Variants in ITPR2 observed in about 807,000 individuals in gnomAD.
The protein encoded by ITPR2 is inositol 1,4,5-trisphosphate-gated calcium channel ITPR2.
In ITPR2, 207 loss-of-function variants were observed where a neutral mutation model predicts 317.1. The observed-to-expected ratio is 0.65, with a 90% confidence interval of 0.58 to 0.73. ITPR2 has a LOEUF of 0.73. Among genes scored for constraint, ITPR2 ranks in the 30% least tolerant of loss-of-function variants. The pLI is 0.00. For missense variants in ITPR2, 2,613 were observed against 3,284.0 expected, an observed-to-expected ratio of 0.80 and a Z score of 4.99; for synonymous variants, 1,156 against 1,149.1, an observed-to-expected ratio of 1.01 and a Z score of -0.12.
At chr12:26,718,740 G>A (rs949913190) in intron 5 of ITPR2, among the ~76,000 whole-genome samples, 4 of 151,862 alleles carry the variant, frequency 2.6e-5, no homozygotes, top group Non-Finnish European at 4.4e-5. Flanking sequence ...CTCCCAAGTA[G>A]CTGGGATCAC....
At position 26,428,420 on chromosome 12, in the gene ITPR2, TC is replaced by T. The variant is rs1367135254; in HGVS notation, c.6770-333del. On this transcript the variant is annotated intron_variant, in intron 48 of 56. Coordinates refer to ENST00000381340, the MANE Select transcript of ITPR2 (RefSeq NM_002223.4). ...TAGACATCTCTCTCGGGAACCTTAA[TC>T]CAAAATTTATGATTAATGACCATTA... 3.3e-5 allele frequency among the ~76,000 whole-genome samples: 5 copies of T among 152,280 alleles called. No homozygotes were observed. In the South Asian group the frequency reaches 8.3e-4, roughly 25 times the overall value.
intron 45 of ITPR2, among the ~76,000 whole-genome samples, chr12:26,474,990 C>T (rs1049802468): frequency 1.3e-5 from 2 of 152,064 alleles, no homozygotes; most frequent in African/African-American, 2.4e-5. Context: ...CCTCTCTTCC[C>T]CTCTCCTTCA....
Position 26,782,033 on chromosome 12 carries a change from TGTATAGAGAG to T in ITPR2, c.163+8114_163+8123del, listed in dbSNP as rs1423816760. Among the ~76,000 whole-genome samples, 91 of 18,020 alleles carry T rather than the reference TGTATAGAGAG, an allele frequency of 5.0e-3. 2 individuals carry two copies. Among genetic ancestry groups the T allele is most frequent in the Non-Finnish European group, 7.1e-3 (64 of 8,984 alleles). 11.8% of individuals were successfully genotyped at this position (18,020 alleles called of 152,430 possible). ...ATATATATATATATATATATATATATGTATAGAGAGAGAGAGAGAGAGAGAGAGAGAGAGA... is the reference window on the plus strand; with the variant it reads ...ATATATATATATATATATATATATATAGAGAGAGAGAGAGAGAGAGAGAGA... On this transcript the variant is annotated intron_variant, in intron 2 of 56. Transcript: ENST00000381340.
At chr12:26,785,845 C>T (rs1449885757) in intron 2 of ITPR2, among the ~76,000 whole-genome samples, 209 of 48,068 alleles carry the variant, frequency 4.3e-3, no homozygotes, top group East Asian at 9.9e-3. Context: ...GTCAGCCCCC[C>T]GCCCGGCCAG....
At chr12:26,697,238 A>C (rs1056873344) in intron 9 of ITPR2, among the ~76,000 whole-genome samples, 1 of 152,210 alleles carries the variant, frequency 6.6e-6, no homozygotes, top group Non-Finnish European at 1.5e-5. Context: ...TAAAAATTGA[A>C]CAAAAGGACA....
chr12:26,682,774 A>C, intron 11 of ITPR2, 101 bp from the exon 12 acceptor site: 1 of 670,264 alleles, frequency 1.5e-6, no homozygotes, highest in Non-Finnish European at 2.5e-6. Context: ...ATAAATACAT[A>C]TTAACTAGTA....
At chr12:26,615,923 A>C (rs1289984686) in intron 26 of ITPR2, among the ~76,000 whole-genome samples, 2 of 152,096 alleles carry the variant, frequency 1.3e-5, no homozygotes, top group African/African-American at 4.8e-5. Flanking sequence ...GTCATCTATT[A>C]AGAATCCTAC....
chr12:26,807,366 T>C (rs1950657014), intron 1 of ITPR2, among the ~76,000 whole-genome samples: 1 of 152,186 alleles, frequency 6.6e-6, no homozygotes, highest in Non-Finnish European at 1.5e-5. Flanking sequence ...TACCCATACA[T>C]TGCAAAGTAT....
Position 26,679,175 on chromosome 12 carries a change from T to C in ITPR2, c.1409+2699A>G, listed in dbSNP as rs145131211. Among the ~76,000 whole-genome samples the C allele has an allele frequency of 1.7e-4, 26 of 152,358 alleles. No individual in the cohort carries two copies. In the East Asian group the frequency reaches 4.6e-3, roughly 27 times the overall value. On this transcript the variant is annotated intron_variant, in intron 13 of 56. Coordinates refer to ENST00000381340, the MANE Select transcript of ITPR2 (RefSeq NM_002223.4). The stretch of plus-strand genomic sequence containing the variant: ...GTTTCTGCTTCCGGCCTTTATTCAT[T>C]TCCCCTAACAGGGTTGGAGGTGCGA...
chr12:26,686,644 G>A lies in ITPR2; in HGVS notation c.997-12C>T. 6.3e-7 allele frequency: 1 copy of A among 1,594,418 alleles called. No individual in the cohort carries two copies. Among genetic ancestry groups the A allele is most frequent in the Non-Finnish European group, 8.5e-7 (1 of 1,171,734 alleles). ...GGGACTCCATCTCTCTGTTGAGGAA[G>A]TACAAGTTTATTTACTTTTATCACG... On this transcript the variant is annotated splice_polypyrimidine_tract_variant and intron_variant, in intron 10 of 56. Coordinates refer to ENST00000381340, the MANE Select transcript of ITPR2 (RefSeq NM_002223.4).
rs755657826 is a variant in ITPR2, at chr12:26,550,283, T to C, written c.5037A>G (p.Arg1679=). The change falls in exon 37 of 57, where the codon CGA becomes CGG. Residue 1679 remains arginine, a synonymous_variant. Coordinates refer to ENST00000381340, the MANE Select transcript of ITPR2 (RefSeq NM_002223.4). ...AGCTGTCTTTCTTCTCTAACATTTCTCGTAATGTCTGAAGAATTTTAATGC... is the reference window on the plus strand; with the variant it reads ...AGCTGTCTTTCTTCTCTAACATTTCCCGTAATGTCTGAAGAATTTTAATGC... ...KLCIKILQTL[R]EMLEKKDSFV... 2.6e-6 allele frequency: 4 copies of C among 1,538,034 alleles called. No homozygotes were observed. In the East Asian group the frequency reaches 6.8e-5, roughly 26 times the overall value.
At chr12:26,445,275 T>A (rs75929850) in intron 45 of ITPR2, among the ~76,000 whole-genome samples, 1,629 of 152,246 alleles carry the variant, frequency 0.011, 34 homozygotes, top group African/African-American at 0.037. Flanking sequence ...TTTGGACATA[T>A]GAAGCTTTAG....
At chr12:26,344,817 C>T (rs1338468412) in intron 55 of ITPR2, among the ~76,000 whole-genome samples, 2 of 150,490 alleles carry the variant, frequency 1.3e-5, no homozygotes, top group Non-Finnish European at 2.9e-5. Flanking sequence ...AGACTTCAAA[C>T]AAAGGATGAC....
chr12:26,401,305 T>G (rs1940171096), intron 52 of ITPR2, among the ~76,000 whole-genome samples: 1 of 152,138 alleles, frequency 6.6e-6, no homozygotes, highest in African/African-American at 2.4e-5. Context: ...AATAGTTGCT[T>G]AAAAATTGGG....
intron 47 of ITPR2, 148 bp downstream of exon 47, chr12:26,438,979 G>A: frequency 2.0e-6 from 1 of 500,284 alleles, no homozygotes; most frequent in Non-Finnish European, 3.5e-6. Context: ...AGACTAAGCG[G>A]ACACTCTTAA....
At chr12:26,682,506 G>T in intron 12 of ITPR2, 68 bp downstream of exon 12, 2 of 939,200 alleles carry the variant, frequency 2.1e-6, no homozygotes, top group South Asian at 1.5e-5. Flanking sequence ...GTGTCACACA[G>T]CATTCCTATC....
rs1313398440 is a variant in ITPR2, at chr12:26,831,543, C to T, written c.92+1147G>A. Among the ~76,000 whole-genome samples, 5 of 152,132 alleles carry T rather than the reference C, an allele frequency of 3.3e-5. No individual in the cohort carries two copies. In the East Asian group the frequency reaches 9.7e-4, roughly 29 times the overall value. On this transcript the variant is annotated intron_variant, in intron 1 of 56. Transcript: ENST00000381340. The surrounding 1 kb of genome is among the most constrained non-coding windows in gnomAD (Gnocchi z 4.9). ...GGGCGGGGGGACCTAAGTGTTGAAA[C>T]AACGAGGTAACAAAAAATTTCCTGT...
chr12:26,393,393 T>C (rs1212864158), intron 54 of ITPR2, among the ~76,000 whole-genome samples: 1 of 152,194 alleles, frequency 6.6e-6, no homozygotes, highest in East Asian at 1.9e-4. Flanking sequence ...ATTTGTGTGG[T>C]TGGAGCTTCT....
At chr12:26,582,225 T>C (rs1945421338) in intron 32 of ITPR2, among the ~76,000 whole-genome samples, 2 of 152,204 alleles carry the variant, frequency 1.3e-5, no homozygotes, top group South Asian at 4.1e-4. Context: ...GAAGCACTTA[T>C]TAAAATATTT....
Sources: allele counts gnomAD v4.1 joint callset (sites outside exome capture counted in the v4.1 genomes callset), GRCh38; gene constraint gnomAD v4.1.1; non-coding constraint Gnocchi (gnomAD v3.1); transcripts MANE v1.5; gene names NCBI Gene and HGNC (gene_info 2026-07-23, HGNC 2026-07-21).